RAPGEF6: variants seen among roughly 807,000 people sequenced by gnomAD.
The protein encoded by RAPGEF6 is Rap guanine nucleotide exchange factor 6.
A neutral mutation model predicts 171.4 loss-of-function variants in RAPGEF6; 56 were observed. The ratio of observed to expected loss-of-function variants is 0.33; its 90% CI spans 0.26 to 0.41. The LOEUF is 0.41. Among genes scored for constraint, RAPGEF6 ranks in the 10% least tolerant of loss-of-function variants. The pLI is 1.00. For missense variants in RAPGEF6, 1,674 were observed against 1,921.4 expected, an observed-to-expected ratio of 0.87 and a Z score of 2.41; for synonymous variants, 692 against 650.1, an observed-to-expected ratio of 1.06 and a Z score of -0.98.
chr5:131,598,048 T>TA (rs758501657), intron 3 of RAPGEF6, among the ~76,000 whole-genome samples: 2 of 151,738 alleles, frequency 1.3e-5, no homozygotes, highest in Non-Finnish European at 2.9e-5. Flanking sequence ...TGAGACCAAA[T>TA]AACCTAAAAC....
chr5:131,452,630 A>ATC (rs1753175371), intron 21 of RAPGEF6, among the ~76,000 whole-genome samples: 1 of 140,500 alleles, frequency 7.1e-6, no homozygotes, highest in African/African-American at 2.6e-5. Flanking sequence ...TTGTTTGCTG[A>ATC]TTTTTTTTTT....
intron 14 of RAPGEF6, among the ~76,000 whole-genome samples, chr5:131,491,930 G>A (rs372089095): frequency 6.6e-6 from 1 of 152,142 alleles, no homozygotes; most frequent in Admixed American, 6.5e-5. Context: ...AAGAATGTGG[G>A]CAATATGACT....
intron 7 of RAPGEF6, among the ~76,000 whole-genome samples, chr5:131,518,235 CAT>C (rs1400350387): frequency 4.0e-5 from 6 of 151,628 alleles, no homozygotes; most frequent in African/African-American, 1.2e-4. Context: ...AGATTTTATA[CAT>C]ATGAGATATA....
At chr5:131,521,270 A>G (rs1208437752) in intron 7 of RAPGEF6, 120 bp downstream of exon 7, 2 of 1,066,686 alleles carry the variant, frequency 1.9e-6, no homozygotes, top group Admixed American at 5.5e-5. Context: ...TTATTTTTCT[A>G]AAGACCTTAC....
intron 1 of RAPGEF6, among the ~76,000 whole-genome samples, chr5:131,609,417 C>A (rs886955608): frequency 6.6e-6 from 1 of 152,050 alleles, no homozygotes; most frequent in African/African-American, 2.4e-5. Flanking sequence ...GGAATGGGCA[C>A]AAAGTGTATA....
intron 4 of RAPGEF6, among the ~76,000 whole-genome samples, 176 bp from the exon 5 acceptor site, chr5:131,562,223 C>A (rs114081668): frequency 0.01 from 1,583 of 151,814 alleles, 19 homozygotes; most frequent in African/African-American, 0.036. Context: ...AAAAACCTTT[C>A]TCTTAATTGT....
rs1751365705 is a variant in RAPGEF6, at chr5:131,425,795, A to G, written c.*1471T>C. ...CTATAAAGGAGGCCACAAACCAACT[A>G]AATCCTATGTGGACACATACGGACA... On this transcript the variant is annotated 3_prime_UTR_variant, in exon 28 of 28. Transcript: ENST00000509018. 6.6e-6 allele frequency: 1 copy of G among 151,938 alleles called. No homozygotes were observed. Among genetic ancestry groups the G allele is most frequent in the Admixed American group, 6.6e-5 (1 of 15,242 alleles). 9.4% of individuals were successfully genotyped at this position (151,938 alleles called of 1,614,324 possible).
intron 6 of RAPGEF6, among the ~76,000 whole-genome samples, chr5:131,542,831 G>C (rs1175520112): frequency 6.6e-6 from 1 of 152,112 alleles, no homozygotes; most frequent in African/African-American, 2.4e-5. Flanking sequence ...GTTTCTTCAA[G>C]GGTCAGCAAA....
At chr5:131,596,357 A>G (rs1235932322) in intron 3 of RAPGEF6, among the ~76,000 whole-genome samples, 1 of 148,912 alleles carries the variant, frequency 6.7e-6, no homozygotes, top group African/African-American at 2.4e-5. Context: ...TAATCATTAT[A>G]TAATATATAT....
chr5:131,544,182 A>C (rs1228180282), intron 6 of RAPGEF6, among the ~76,000 whole-genome samples: 1 of 152,228 alleles, frequency 6.6e-6, no homozygotes, highest in Admixed American at 6.5e-5. Flanking sequence ...CCATATGACC[A>C]GTCACCCACT....
chr5:131,456,257 T>C (rs1207560942), intron 19 of RAPGEF6, among the ~76,000 whole-genome samples: 1 of 152,160 alleles, frequency 6.6e-6, no homozygotes, highest in Non-Finnish European at 1.5e-5. Flanking sequence ...ATTTTACAGT[T>C]TCATTTAAGT....
chr5:131,489,747 C>T, intron 14 of RAPGEF6, 93 bp from the exon 15 acceptor site: 3 of 648,032 alleles, frequency 4.6e-6, no homozygotes, highest in Non-Finnish European at 5.0e-6. Flanking sequence ...TAAAATGAAA[C>T]TTGAATAAAA....
chr5:131,494,639 T>C (rs1195891035), intron 13 of RAPGEF6, among the ~76,000 whole-genome samples: 1 of 152,144 alleles, frequency 6.6e-6, no homozygotes, highest in African/African-American at 2.4e-5. Context: ...GAGGAACTGC[T>C]TTGGTAGGAA....
At chr5:131,614,336 G>A (rs190429363) in intron 1 of RAPGEF6, among the ~76,000 whole-genome samples, 114 of 150,254 alleles carry the variant, frequency 7.6e-4, no homozygotes, top group Admixed American at 1.5e-3. Context: ...TACCGGAGCC[G>A]CGGTAATTTA....
chr5:131,468,958 T>G (rs1261021716), intron 17 of RAPGEF6, among the ~76,000 whole-genome samples: 1 of 152,110 alleles, frequency 6.6e-6, no homozygotes, highest in Non-Finnish European at 1.5e-5. Context: ...AAACAAATTC[T>G]CACAAAATAG....
intron 4 of RAPGEF6, among the ~76,000 whole-genome samples, chr5:131,589,316 ATATAG>A (rs1311935079): frequency 6.6e-6 from 1 of 152,196 alleles, no homozygotes; most frequent in African/African-American, 2.4e-5. Flanking sequence ...CTTACTATAT[ATATAG>A]TATAAGATAT....
chr5:131,598,566 CAT>C (rs1764039874), intron 3 of RAPGEF6, among the ~76,000 whole-genome samples: 1 of 152,128 alleles, frequency 6.6e-6, no homozygotes, highest in Non-Finnish European at 1.5e-5. Flanking sequence ...GAGGAAAAAA[CAT>C]ATTAACTGCA....
At chr5:131,438,683 C>A (rs17669718) in intron 24 of RAPGEF6, among the ~76,000 whole-genome samples, 12 of 152,146 alleles carry the variant, frequency 7.9e-5, no homozygotes, top group African/African-American at 2.9e-4. Flanking sequence ...ATGGCATCTG[C>A]TGCACACTGC....
At chr5:131,436,090 C>T (rs1026894655) in intron 24 of RAPGEF6, 11 of 1,537,968 alleles carry the variant, frequency 7.2e-6, no homozygotes, top group Middle Eastern at 3.3e-4. Flanking sequence ...CACTTTCTCA[C>T]AGCTTTCTGT....
Sources: gnomAD v4.1 joint callset for allele counts (sites outside exome capture counted in the v4.1 genomes callset) on GRCh38, gnomAD v4.1.1 for gene constraint, MANE v1.5 for transcripts, NCBI Gene and HGNC (gene_info 2026-07-23, HGNC 2026-07-21) for gene names.